TRAF2: variants seen among roughly 807,000 people sequenced by gnomAD.
TRAF2 encodes TNF receptor-associated factor 2.
A neutral mutation model predicts 55.6 loss-of-function variants in TRAF2; 6 were observed. That is an observed-to-expected ratio of 0.11 (90% confidence interval 0.06 to 0.21). The LOEUF is 0.21. TRAF2 is among the 10% of genes least tolerant of loss of function. The probability of loss-of-function intolerance (pLI) is 1.00; values close to 1 mark genes in which losing one functional copy is unlikely to be tolerated. For missense variants in TRAF2, 561 were observed against 684.5 expected, an observed-to-expected ratio of 0.82 and a Z score of 2.01; for synonymous variants, 329 against 276.3, an observed-to-expected ratio of 1.19 and a Z score of -1.89.
chr9:136,920,289 C>T lies in TRAF2; in HGVS notation c.734C>T (p.Ala245Val). The T allele has an allele frequency of 6.2e-7, 1 of 1,613,662 alleles. No homozygotes were observed. Among genetic ancestry groups the T allele is most frequent in the Non-Finnish European group, 8.5e-7 (1 of 1,179,996 alleles). Reference protein sequence around the residue: ...HEVQWLREHLAMLLSSVLEAK... With the variant: ...HEVQWLREHLVMLLSSVLEAK... ...GTGCAGTGGCTGCGGGAGCACCTGG[C>T]CATGCTACTGAGCTCGGTGCTGGAG... Residue 245 changes from alanine to valine, a missense_variant, in exon 8 of 11, where the codon GCC becomes GTC. Transcript: ENST00000247668.
At chr9:136,882,658 T>A, upstream of TRAF2, 1 of 985,720 alleles carries the variant, frequency 1.0e-6, no homozygotes, top group Non-Finnish European at 1.2e-6. Context: ...TTTGCTTTCT[T>A]TTCGGCAGGA....
At chr9:136,913,185 G>C (rs1314635222) in intron 6 of TRAF2, among the ~76,000 whole-genome samples, 1 of 151,522 alleles carries the variant, frequency 6.6e-6, no homozygotes, top group Non-Finnish European at 1.5e-5. Context: ...GGCTTCTGAT[G>C]ATGAGGCCAC....
chr9:136,912,691 G>C (rs1158851796), intron 6 of TRAF2, among the ~76,000 whole-genome samples: 2 of 152,112 alleles, frequency 1.3e-5, no homozygotes. Flanking sequence ...ACAAAAATTA[G>C]CTGGGCATGG....
chr9:136,883,577 C>T (rs530314037), upstream of TRAF2, among the ~76,000 whole-genome samples: 5 of 152,172 alleles, frequency 3.3e-5, no homozygotes, highest in African/African-American at 4.8e-5. Flanking sequence ...AATGCAGTGG[C>T]GTAATCTCGG....
chr9:136,923,594 G>C (rs576327996), intron 9 of TRAF2, among the ~76,000 whole-genome samples: 1 of 102,728 alleles, frequency 9.7e-6, no homozygotes, highest in East Asian at 3.3e-4. Context: ...TGGGCAACAA[G>C]AGTGAGACTC....
intron 7 of TRAF2, among the ~76,000 whole-genome samples, chr9:136,919,436 C>T (rs1850328891): frequency 1.3e-5 from 2 of 151,054 alleles, no homozygotes; most frequent in Admixed American, 6.6e-5. Flanking sequence ...GCTGGGATTA[C>T]AGGCGTGCAC....
chr9:136,909,699 T>C (rs1160613759), intron 5 of TRAF2, among the ~76,000 whole-genome samples: 2 of 152,206 alleles, frequency 1.3e-5, no homozygotes, highest in East Asian at 3.9e-4. Flanking sequence ...CTCCCTCGCA[T>C]TGCCCTGAGC....
At chr9:136,893,790 C>G (rs943010008) in intron 1 of TRAF2, among the ~76,000 whole-genome samples, 1 of 152,104 alleles carries the variant, frequency 6.6e-6, no homozygotes, top group African/African-American at 2.4e-5. Context: ...CACTGCAATG[C>G]GCAGGCTGGA....
upstream of TRAF2, chr9:136,882,126 C>T: frequency 1.2e-6 from 1 of 831,324 alleles, no homozygotes; most frequent in South Asian, 5.5e-5. Flanking sequence ...TGCCTCCTGG[C>T]TCCATGTGCA....
intron 6 of TRAF2, among the ~76,000 whole-genome samples, chr9:136,915,078 C>T (rs1483983101): frequency 1.3e-5 from 2 of 152,082 alleles, no homozygotes; most frequent in African/African-American, 4.8e-5. Flanking sequence ...ACTCGGGAGG[C>T]TGAGGCAGGA....
chr9:136,899,692 G>A lies in TRAF2; in HGVS notation c.267+20G>A, dbSNP rs747078508. ...AGTTCGGTAAGTAAAATGTCTTGAAGCTAAAAATGTTGAACAGAAAATGTC... is the reference window on the plus strand; with the variant it reads ...AGTTCGGTAAGTAAAATGTCTTGAAACTAAAAATGTTGAACAGAAAATGTC... On this transcript the variant is annotated intron_variant, in intron 3 of 10. Coordinates refer to ENST00000247668, the MANE Select transcript of TRAF2 (RefSeq NM_021138.4). 5 of 1,606,908 alleles carry A rather than the reference G, an allele frequency of 3.1e-6. No homozygotes were observed. In the South Asian group the frequency reaches 3.3e-5, roughly 11 times the overall value.
chr9:136,905,704 T>C (rs1319558887), intron 4 of TRAF2, among the ~76,000 whole-genome samples: 2 of 152,192 alleles, frequency 1.3e-5, no homozygotes, highest in Non-Finnish European at 2.9e-5. Flanking sequence ...CCAAAAGACG[T>C]GTTTAACTCT....
At chr9:136,891,135 G>A (rs1311734925) in intron 1 of TRAF2, among the ~76,000 whole-genome samples, 1 of 152,132 alleles carries the variant, frequency 6.6e-6, no homozygotes, top group Non-Finnish European at 1.5e-5. Flanking sequence ...TTTTGAGACA[G>A]ATGGTTGCTC....
chr9:136,885,550 T>C (rs1188245685), upstream of TRAF2, among the ~76,000 whole-genome samples: 1 of 152,102 alleles, frequency 6.6e-6, no homozygotes, highest in Non-Finnish European at 1.5e-5. Context: ...GTGTTTTCAC[T>C]TGAGGTCGGG....
At chr9:136,889,124 G>T (rs1455383652) in intron 1 of TRAF2, among the ~76,000 whole-genome samples, 1 of 152,100 alleles carries the variant, frequency 6.6e-6, no homozygotes, top group Non-Finnish European at 1.5e-5. Context: ...GCCTCCCAGA[G>T]TGCTGGGATT....
At chr9:136,917,315 C>G (rs1354257926) in intron 7 of TRAF2, among the ~76,000 whole-genome samples, 1 of 152,234 alleles carries the variant, frequency 6.6e-6, no homozygotes, top group African/African-American at 2.4e-5. Context: ...GCTCGCTGGC[C>G]TGAGCTTCCT....
At chr9:136,923,118 G>A (rs1850435864) in intron 9 of TRAF2, among the ~76,000 whole-genome samples, 1 of 152,148 alleles carries the variant, frequency 6.6e-6, no homozygotes, top group Non-Finnish European at 1.5e-5. Context: ...GGGTGGGAAG[G>A]AAGTCGACTC....
intron 7 of TRAF2, among the ~76,000 whole-genome samples, chr9:136,916,887 C>T (rs1276627765): frequency 3.3e-5 from 5 of 152,176 alleles, no homozygotes; most frequent in Non-Finnish European, 7.3e-5. Flanking sequence ...CGCCTTGAGC[C>T]TCCCTGGGTG....
intron 1 of TRAF2, chr9:136,886,783 G>A: frequency 5.1e-6 from 1 of 197,392 alleles, no homozygotes; most frequent in Non-Finnish European, 9.2e-6. Context: ...AACGCGCGCG[G>A]CCGTGCTCGG....
Sources: allele counts gnomAD v4.1 joint callset (sites outside exome capture counted in the v4.1 genomes callset), GRCh38; gene constraint gnomAD v4.1.1; transcripts MANE v1.5; gene names NCBI Gene and HGNC (gene_info 2026-07-23, HGNC 2026-07-21).